GATB: variants seen among roughly 807,000 people sequenced by gnomAD.
GATB encodes the protein glutamyl-tRNA amidotransferase subunit B, also known as glutamyl-tRNA(Gln) amidotransferase subunit B, mitochondrial.
GATB carries 39 observed loss-of-function variants against 62.3 expected under a neutral mutation model. The ratio of observed to expected loss-of-function variants is 0.63; its 90% CI spans 0.48 to 0.82. The LOEUF is 0.82. Among genes scored for constraint, GATB ranks in the 40% least tolerant of loss-of-function variants. The pLI is 0.00. For missense variants in GATB, 670 were observed against 684.0 expected (o/e 0.98, Z 0.23); for synonymous variants, 276 against 258.9 (o/e 1.07, Z -0.63).
At position 151,760,953 on chromosome 4, in the gene GATB, G is replaced by A. The variant is rs776089435; in HGVS notation, c.30C>T (p.Cys10=). 3 of 1,612,972 alleles carry A rather than the reference G, an allele frequency of 1.9e-6. No individual in the cohort carries two copies. The highest frequency in any genetic ancestry group is 2.5e-6 in the Non-Finnish European group (3 of 1,179,790). The change falls in exon 1 of 13, where the codon TGC becomes TGT. Residue 10 remains cysteine, a synonymous_variant. Coordinates refer to ENST00000263985, the MANE Select transcript of GATB (RefSeq NM_004564.3). MAAPMLRWG[C]RGRRWAFARV... Reference sequence around the variant, plus strand: ...GGGCGAAAGCCCAACGTCTTCCACGGCAGCCCCAGCGCAGCATGGGCGCCG... The same window carrying A: ...GGGCGAAAGCCCAACGTCTTCCACGACAGCCCCAGCGCAGCATGGGCGCCG...
chr4:151,745,861 TC>T (rs1162153533), intron 2 of GATB, among the ~76,000 whole-genome samples: 1 of 152,204 alleles, frequency 6.6e-6, no homozygotes, highest in African/African-American at 2.4e-5. Flanking sequence ...AACAGGCTGA[TC>T]CTGAGAAAAG....
chr4:151,757,305 C>G (rs929735644), intron 2 of GATB, among the ~76,000 whole-genome samples: 2 of 151,890 alleles, frequency 1.3e-5, no homozygotes, highest in South Asian at 2.1e-4. Flanking sequence ...ACAGAAAATG[C>G]GATAAGAGAA....
In GATB at chr4:151,759,050, A is replaced by G. The variant is rs1478379263; in HGVS notation, c.177-128T>C. 5.2e-5 allele frequency: 29 copies of G among 554,568 alleles called. No homozygotes were observed. The East Asian group carries it at 9.3e-4, about 18-fold the overall frequency. The allele number at this position is 554,568 out of a possible 1,614,324, so 34.4% of individuals were successfully genotyped here. A position where few individuals can be genotyped will look rare whatever the true frequency, so the allele number is the denominator to read the frequency against. Reference sequence around the variant, plus strand: ...ACTTAATACAATGTTATATCCTCACATTAAAAATGTGTCATATTTTATCAG... The same window carrying G: ...ACTTAATACAATGTTATATCCTCACGTTAAAAATGTGTCATATTTTATCAG... On this transcript the variant is annotated intron_variant, in intron 1 of 12. Coordinates refer to ENST00000263985, the MANE Select transcript of GATB (RefSeq NM_004564.3).
intron 2 of GATB, among the ~76,000 whole-genome samples, chr4:151,736,982 A>G (rs775111438): frequency 6.6e-6 from 1 of 152,194 alleles, no homozygotes; most frequent in African/African-American, 2.4e-5. Context: ...GCCCAGTCTC[A>G]GGTATGTCTT....
chr4:151,674,940 G>C (rs1370412977), intron 11 of GATB: 3 of 152,238 alleles, frequency 2.0e-5, no homozygotes, highest in Non-Finnish European at 4.4e-5. Context: ...TGCGTCTGCA[G>C]ACACAGACCA....
At chr4:151,699,144 C>A (rs1738549345) in intron 9 of GATB, among the ~76,000 whole-genome samples, 1 of 152,128 alleles carries the variant, frequency 6.6e-6, no homozygotes, top group African/African-American at 2.4e-5. Context: ...AATCCCAGCA[C>A]TTTGGGAGGC....
At chr4:151,718,283 G>A (rs1738955626) in intron 3 of GATB, among the ~76,000 whole-genome samples, 1 of 152,134 alleles carries the variant, frequency 6.6e-6, no homozygotes, top group Non-Finnish European at 1.5e-5. Flanking sequence ...TAAGCTCTGG[G>A]TAGGGTTGTT....
chr4:151,725,354 G>A (rs752783527), intron 2 of GATB, among the ~76,000 whole-genome samples: 2 of 152,268 alleles, frequency 1.3e-5, no homozygotes, highest in African/African-American at 4.8e-5. Flanking sequence ...GAGCAGCAAA[G>A]TGGTGTAGCA....
intron 3 of GATB, among the ~76,000 whole-genome samples, chr4:151,718,941 C>T (rs938100660): frequency 2.0e-5 from 3 of 152,172 alleles, no homozygotes; most frequent in South Asian, 2.1e-4. Flanking sequence ...TTCATGTTTC[C>T]GCTTACTATT....
At chr4:151,728,392 C>T (rs1023457210) in intron 2 of GATB, among the ~76,000 whole-genome samples, 1 of 152,198 alleles carries the variant, frequency 6.6e-6, no homozygotes. Context: ...TGTAAAAACA[C>T]AAAACCAAAC....
intron 2 of GATB, among the ~76,000 whole-genome samples, chr4:151,724,824 G>C (rs1739104443): frequency 6.6e-6 from 1 of 152,022 alleles, no homozygotes; most frequent in Non-Finnish European, 1.5e-5. Context: ...GGGCAATCAG[G>C]TCATTTTGTC....
In GATB at chr4:151,703,864, T is replaced by C; in HGVS notation, c.994A>G (p.Lys332Glu). The change falls in exon 8 of 13, where the codon AAA becomes GAA. Residue 332 changes from lysine (K) to glutamate (E), a missense_variant. Physicochemically the swap from Lys to Glu is moderately conservative, Grantham distance 56. Coordinates refer to ENST00000263985, the MANE Select transcript of GATB (RefSeq NM_004564.3). ...AGGAGTAACCACCTGTAGTCCTGTT[T>C]TCCTTCTTTGTCTCTCATTGACATG... ...CTMSMRDKEG[K>E]QDYRFMPEPN... 1.9e-6 allele frequency: 3 copies of C among 1,606,378 alleles called. No individual in the cohort carries two copies. Among genetic ancestry groups the C allele is most frequent in the Non-Finnish European group, 2.6e-6 (3 of 1,173,010 alleles).
chr4:151,740,980 A>G (rs925155926), intron 2 of GATB, among the ~76,000 whole-genome samples: 10 of 152,054 alleles, frequency 6.6e-5, no homozygotes, highest in African/African-American at 2.4e-4. Flanking sequence ...ACTCTCAGGC[A>G]TCTTTGGTAA....
intron 9 of GATB, among the ~76,000 whole-genome samples, chr4:151,698,387 C>T (rs1428373065): frequency 6.6e-6 from 1 of 152,094 alleles, no homozygotes; most frequent in Non-Finnish European, 1.5e-5. Context: ...GTGAGGTGTG[C>T]ATGGGGGTGG....
chr4:151,674,523 G>A (rs1009345524), intron 11 of GATB: 12 of 152,150 alleles, frequency 7.9e-5, no homozygotes, highest in Non-Finnish European at 1.5e-4. Flanking sequence ...AGAGATCACC[G>A]GAATTCCCAT....
At chr4:151,717,125 G>A (rs1738930294) in intron 3 of GATB, 51 bp from the exon 4 acceptor site, 1 of 1,550,888 alleles carries the variant, frequency 6.4e-7, no homozygotes, top group Admixed American at 1.7e-5. Flanking sequence ...CATAAAAGCT[G>A]GGATCCAGTT....
chr4:151,677,712 G>A (rs959947294), intron 11 of GATB: 6 of 152,212 alleles, frequency 3.9e-5, no homozygotes, highest in Admixed American at 1.3e-4. Flanking sequence ...GCCCCATTTA[G>A]CCCTAAAAAG....
chr4:151,745,044 C>T (rs1235827295), intron 2 of GATB, among the ~76,000 whole-genome samples: 2 of 152,168 alleles, frequency 1.3e-5, no homozygotes, highest in Non-Finnish European at 2.9e-5. Context: ...AAGTGATTTG[C>T]AGAGTGACTG....
In GATB at chr4:151,717,808, G is replaced by C. The variant is rs565138062; in HGVS notation, c.442-734C>G. 5.3e-5 allele frequency among the ~76,000 whole-genome samples: 8 copies of C among 152,360 alleles called. No individual in the cohort carries two copies. In the South Asian group the frequency reaches 1.7e-3, roughly 32 times the overall value. The stretch of plus-strand genomic sequence containing the variant: ...CAGGTCAATGAGGAGAATTGGAGAA[G>C]AACAGAGAATAAAAGCAAAGGCATC... On this transcript the variant is annotated intron_variant, in intron 3 of 12. Transcript: ENST00000263985.
Sources: gnomAD v4.1 joint callset for allele counts (sites outside exome capture counted in the v4.1 genomes callset) on GRCh38, gnomAD v4.1.1 for gene constraint, MANE v1.5 for transcripts, NCBI Gene and HGNC (gene_info 2026-07-23, HGNC 2026-07-21) for gene names.